The following POM121 variants were observed in gnomAD, a reference collection of about 807,000 sequenced individuals.
The protein encoded by POM121 is nuclear envelope pore membrane protein POM 121.
In POM121, 32 loss-of-function variants were observed where a neutral mutation model predicts 81.3. The observed-to-expected ratio is 0.39, with a 90% CI of 0.30 to 0.53. The LOEUF (loss-of-function observed/expected upper bound fraction) is 0.53, where lower values mean the gene tolerates loss of function less well. Among genes scored for constraint, POM121 ranks in the 20% least tolerant of loss-of-function variants. POM121 has a pLI of 0.66. For synonymous variants in POM121, 514 were observed against 694.2 expected, an observed-to-expected ratio of 0.74 and a Z score of 4.08; for missense variants, 1,138 against 1,614.6, an observed-to-expected ratio of 0.70 and a Z score of 5.06.
Position 72,931,474 on chromosome 7 carries a change from ATAG to A in POM121, c.1275+1367_1275+1369del, listed in dbSNP as rs1395462708. ...ATAATATTCCAAATTCAAATTTATG[ATAG>A]TAGGATTTTTTATGTAATTTATTTG... is the stretch of plus-strand genomic sequence containing the variant. On this transcript the variant is annotated intron_variant, in intron 5 of 12. Transcript: ENST00000434423. 2.0e-5 allele frequency among the ~76,000 whole-genome samples: 3 copies of A among 152,156 alleles called. No individual in the cohort carries two copies. The East Asian group carries it at 5.8e-4, about 29-fold the overall frequency.
chr7:72,913,121 A>G (rs1480203338), intron 3 of POM121, among the ~76,000 whole-genome samples: 1 of 152,368 alleles, frequency 6.6e-6, no homozygotes, highest in Non-Finnish European at 1.5e-5. Context: ...CTCTGGAGAC[A>G]AGACCAGCAG....
At chr7:72,880,907 A>G (rs1377821918) in intron 1 of POM121, among the ~76,000 whole-genome samples, 2 of 40,858 alleles carry the variant, frequency 4.9e-5, no homozygotes, top group African/African-American at 2.3e-4. Flanking sequence ...CACAAAAAAC[A>G]TGAGCCGTAT....
At chr7:72,881,066 CTT>C (rs3973810) in intron 1 of POM121, among the ~76,000 whole-genome samples, 2 of 47,228 alleles carry the variant, frequency 4.2e-5, no homozygotes, top group Admixed American at 2.6e-4. Flanking sequence ...CCCTATCACT[CTT>C]TTTTTTTTTT....
At chr7:72,919,566 T>G (rs1794612731) in intron 4 of POM121, among the ~76,000 whole-genome samples, 1 of 152,074 alleles carries the variant, frequency 6.6e-6, no homozygotes, top group Non-Finnish European at 1.5e-5. Context: ...ACTGGAGCCT[T>G]GACCTTCCAG....
Position 72,926,249 on chromosome 7 carries a change from G to C in POM121, c.645-13G>C. On this transcript the variant is annotated splice_polypyrimidine_tract_variant and intron_variant, in intron 1 of 12. Transcript: ENST00000434423. Reference sequence around the variant, plus strand: ...TTGCTTTGGTTCCGTGATTTGTCTCGCATTCTCTGCAGGGATTGTGGGACT... The same window carrying C: ...TTGCTTTGGTTCCGTGATTTGTCTCCCATTCTCTGCAGGGATTGTGGGACT... 1.3e-6 allele frequency: 2 copies of C among 1,549,306 alleles called. No homozygotes were observed. Among genetic ancestry groups the C allele is most frequent in the Non-Finnish European group, 1.7e-6 (2 of 1,144,538 alleles).
chr7:72,888,944 G>C (rs1180964516), intron 1 of POM121, among the ~76,000 whole-genome samples: 4 of 151,750 alleles, frequency 2.6e-5, no homozygotes, highest in African/African-American at 9.7e-5. Context: ...TGTTATAGTG[G>C]CTTATCATAT....
chr7:72,890,218 T>C (rs1791165341), intron 1 of POM121, among the ~76,000 whole-genome samples: 1 of 152,146 alleles, frequency 6.6e-6, no homozygotes, highest in Non-Finnish European at 1.5e-5. Flanking sequence ...GACCAGGAAC[T>C]GAGTGGTGGG....
intron 1 of POM121, among the ~76,000 whole-genome samples, chr7:72,880,244 T>C (rs2903664): frequency 7.2e-4 from 109 of 151,908 alleles, no homozygotes; most frequent in African/African-American, 2.4e-3. Flanking sequence ...CCCCCTTATA[T>C]CTGCCCTGGG....
At chr7:72,931,298 C>T (rs1795994894) in intron 5 of POM121, among the ~76,000 whole-genome samples, 1 of 152,126 alleles carries the variant, frequency 6.6e-6, no homozygotes, top group Admixed American at 6.6e-5. Flanking sequence ...TTTTTGCCCA[C>T]CTTCCCAAAG....
intron 3 of POM121, 114 bp downstream of exon 3, chr7:72,927,077 G>T: frequency 1.3e-6 from 2 of 1,532,640 alleles, no homozygotes; most frequent in Non-Finnish European, 1.8e-6. Flanking sequence ...GCCTTCGTAG[G>T]CCCCCTTCTT....
At chr7:72,887,916 G>T (rs1419977947) in intron 1 of POM121, among the ~76,000 whole-genome samples, 2 of 152,158 alleles carry the variant, frequency 1.3e-5, no homozygotes, top group African/African-American at 4.8e-5. Context: ...TTTTGATTTT[G>T]TTTTTCTTTG....
rs1282921657 is a variant in POM121 at position 72,913,304 on chromosome 7, T to C, written c.-215-461T>C. 2.0e-5 allele frequency among the ~76,000 whole-genome samples: 3 copies of C among 152,222 alleles called. No individual in the cohort carries two copies. The South Asian group carries it at 6.2e-4, about 32-fold the overall frequency. Reference sequence around the variant, plus strand: ...ACCTCCACTGCGTCGGGACATGCCGTGTGCCGTCTCTTTATCCATAGCTGC... The same window carrying C: ...ACCTCCACTGCGTCGGGACATGCCGCGTGCCGTCTCTTTATCCATAGCTGC... On this transcript the variant is annotated intron_variant, in intron 3 of 15. Coordinates refer to the POM121 transcript ENST00000395270.
Position 72,925,381 on chromosome 7 carries a change from G to A in POM121, c.260G>A (p.Arg87His), listed in dbSNP as rs1554496990. Residue 87 changes from arginine (R) to histidine (H), a missense_variant, in exon 1 of 13, where the codon CGT becomes CAT. By Grantham distance (29) the Arg-to-His change is conservative. This residue lies in a region of POM121 where 646 missense variants were observed against 633.5 expected (regional missense o/e 1.02). Coordinates refer to ENST00000434423, the MANE Select transcript of POM121 (RefSeq NM_001387691.1). ...RPLSSFVRKA[R>H]HRRPLSSFVR... ...TTGTCCTCCTTCGTTCGGAAGGCGC[G>A]TCATCGGCGCCCCTTGTCCTCCTTC... is the stretch of plus-strand genomic sequence containing the variant. 1.5e-5 allele frequency: 23 copies of A among 1,523,032 alleles called. No individual in the cohort carries two copies. Among genetic ancestry groups the A allele is most frequent in the Non-Finnish European group, 1.8e-5 (21 of 1,137,174 alleles). 94.3% of individuals were successfully genotyped at this position (1,523,032 alleles called of 1,614,324 possible). A position where few individuals can be genotyped will look rare whatever the true frequency, so the allele number is the denominator to read the frequency against.
chr7:72,912,536 G>A (rs142786313), intron 3 of POM121, among the ~76,000 whole-genome samples: 1 of 152,178 alleles, frequency 6.6e-6, no homozygotes, highest in African/African-American at 2.4e-5. Context: ...TAGCACTTTG[G>A]GAGGCCGAAG....
At chr7:72,904,895 C>G (rs1793084009) in intron 3 of POM121, among the ~76,000 whole-genome samples, 1 of 152,116 alleles carries the variant, frequency 6.6e-6, no homozygotes, top group African/African-American at 2.4e-5. Flanking sequence ...GCAGGGGAAA[C>G]TGCCACTTAA....
At chr7:72,936,944 G>A (rs1554499635) in intron 5 of POM121, among the ~76,000 whole-genome samples, 4 of 151,742 alleles carry the variant, frequency 2.6e-5, no homozygotes, top group Non-Finnish European at 1.5e-5. Context: ...ACCGCACTCG[G>A]CCATCTATGT....
chr7:72,904,756 A>G (rs1320384240), intron 3 of POM121, among the ~76,000 whole-genome samples: 1 of 152,202 alleles, frequency 6.6e-6, no homozygotes, highest in East Asian at 1.9e-4. Context: ...GGTAATTTAT[A>G]AAGAAAGGAG....
At chr7:72,882,912 T>C (rs1456151000) in intron 1 of POM121, among the ~76,000 whole-genome samples, 17 of 152,244 alleles carry the variant, frequency 1.1e-4, no homozygotes, top group Non-Finnish European at 2.4e-4. Context: ...GGACCCTTTG[T>C]CTGCCTTTGA....
intron 1 of POM121, among the ~76,000 whole-genome samples, chr7:72,881,501 A>G (rs1554489298): frequency 6.6e-6 from 1 of 151,002 alleles, no homozygotes; most frequent in Non-Finnish European, 1.5e-5. Flanking sequence ...TAGGTCTATC[A>G]GCCACAGTCT....
Sources: allele counts gnomAD v4.1 joint callset (sites outside exome capture counted in the v4.1 genomes callset), GRCh38; gene constraint gnomAD v4.1.1; regional missense constraint gnomAD v4.1.1; transcripts MANE v1.5; gene names NCBI Gene and HGNC (gene_info 2026-07-23, HGNC 2026-07-21).